Variants in CDH23 observed in about 807,000 individuals in gnomAD.
CDH23 encodes the protein cadherin related 23.
Under a neutral mutation model 317.1 loss-of-function variants are expected in CDH23, and 189 were observed. That is an observed-to-expected ratio of 0.60 (90% CI 0.53 to 0.67). The LOEUF is 0.67. CDH23 is among the 30% of genes least tolerant of loss of function. CDH23 has a pLI of 0.00. For synonymous variants in CDH23, 1,839 were observed against 1,876.8 expected (o/e 0.98, Z 0.52); for missense variants, 4,401 against 4,592.4 (o/e 0.96, Z 1.20).
chr10:71,601,682 G>A (rs1860227018), intron 9 of CDH23, among the ~76,000 whole-genome samples: 1 of 152,170 alleles, frequency 6.6e-6, no homozygotes, highest in African/African-American at 2.4e-5. Flanking sequence ...TCCACACCCC[G>A]TCATCTGCTT....
chr10:71,809,803 CT>C lies in CDH23; in HGVS notation c.8723-14del. 1 of 1,607,648 alleles carries C rather than the reference CT, an allele frequency of 6.2e-7. No homozygotes were observed. Reference sequence around the variant, plus strand: ...ACTGAGTCTCTGAGCCGTACCCCGCCTTTGGGCTTCCTGCAGGGAGCATGGA... The same window carrying C: ...ACTGAGTCTCTGAGCCGTACCCCGCCTTGGGCTTCCTGCAGGGAGCATGGA... On this transcript the variant is annotated splice_polypyrimidine_tract_variant and intron_variant, in intron 60 of 69. Coordinates refer to ENST00000224721, the MANE Select transcript of CDH23 (RefSeq NM_022124.6).
intron 38 of CDH23, among the ~76,000 whole-genome samples, chr10:71,758,795 G>A (rs1426368530): frequency 6.6e-6 from 1 of 152,190 alleles, no homozygotes; most frequent in African/African-American, 2.4e-5. Context: ...TGGAGGTCAA[G>A]GTGGGAAGAT....
In CDH23 at chr10:71,799,516, G is replaced by A. The variant is rs1334398591; in HGVS notation, c.7249G>A (p.Val2417Met). Residue 2417 changes from valine to methionine, a missense_variant, in exon 52 of 70, where the codon GTG becomes ATG. Physicochemically the swap from Val to Met is conservative, Grantham distance 21. Around this residue, in one of 3 missense-constraint regions of CDH23, gnomAD observed 189 missense variants for 250.9 expected, o/e 0.75. Transcript: ENST00000224721. Reference sequence around the variant, plus strand: ...GGAGGCTGTCTTTGAGGATGTGCCTGTGGGCACAATCATCCTGACAGTCAC... The same window carrying A: ...GGAGGCTGTCTTTGAGGATGTGCCTATGGGCACAATCATCCTGACAGTCAC... ...YQEAVFEDVPVGTIILTVTAT... is the reference protein window; with the variant it reads ...YQEAVFEDVPMGTIILTVTAT... 2 of 1,614,082 alleles carry A rather than the reference G, an allele frequency of 1.2e-6. No individual in the cohort carries two copies. The highest frequency in any genetic ancestry group is 1.3e-5 in the African/African-American group (1 of 75,068).
chr10:71,813,288 A>G lies in CDH23; in HGVS notation c.9678A>G (p.Lys3226=). The change falls in exon 69 of 70, where the codon AAA becomes AAG. Residue 3226 remains lysine (K), a synonymous_variant. Transcript: ENST00000224721. ...TCCTGGAGGATTACCTGCGGCTCAA[A>G]AAGCTCTTTGCACAGCGGATGGTGC... is the stretch of plus-strand genomic sequence containing the variant. ...KVVLEDYLRL[K]KLFAQRMVQK... The G allele has an allele frequency of 6.4e-7, 1 of 1,551,604 alleles. No homozygotes were observed. The highest frequency in any genetic ancestry group is 1.2e-5 in the South Asian group (1 of 84,052).
Position 71,799,644 on chromosome 10 carries a change from A to T in CDH23, c.7362+15A>T, listed in dbSNP as rs767990121. On this transcript the variant is annotated intron_variant, in intron 52 of 69. Transcript: ENST00000224721. ...ACCCCACCACGGTGAGCAGTGATGGAGGGCCTGGAATTTGGAAGTGGGAAG... is the reference window on the plus strand; with the variant it reads ...ACCCCACCACGGTGAGCAGTGATGGTGGGCCTGGAATTTGGAAGTGGGAAG... 1 of 1,613,974 alleles carries T rather than the reference A, an allele frequency of 6.2e-7. No homozygotes were observed. The highest frequency in any genetic ancestry group is 1.7e-5 in the Admixed American group (1 of 60,024).
intron 3 of CDH23, among the ~76,000 whole-genome samples, chr10:71,476,466 C>A (rs1390028261): frequency 6.6e-6 from 1 of 152,140 alleles, no homozygotes; most frequent in African/African-American, 2.4e-5. Flanking sequence ...AAGAAAGGGG[C>A]AAGATGTGTC....
chr10:71,518,620 G>T (rs940848901), intron 6 of CDH23, among the ~76,000 whole-genome samples: 1 of 152,226 alleles, frequency 6.6e-6, no homozygotes, highest in African/African-American at 2.4e-5. Context: ...GCACCTCCGT[G>T]ATTTCGGTCA....
chr10:71,498,650 A>T (rs566530953), intron 3 of CDH23, among the ~76,000 whole-genome samples: 1 of 152,334 alleles, frequency 6.6e-6, no homozygotes, highest in African/African-American at 2.4e-5. Flanking sequence ...AGGGTCACTG[A>T]GCAATCCCAG....
chr10:71,557,626 T>C (rs1479048228), intron 6 of CDH23, among the ~76,000 whole-genome samples: 1 of 152,248 alleles, frequency 6.6e-6, no homozygotes, highest in East Asian at 1.9e-4. Context: ...GAACAATGCG[T>C]TCATGCTATG....
chr10:71,660,279 A>G (rs4747181), intron 14 of CDH23, among the ~76,000 whole-genome samples: 5,350 of 152,204 alleles, frequency 0.035, 298 homozygotes, highest in East Asian at 0.24. Context: ...GATTTTGAAT[A>G]GGTTACTTGT....
chr10:71,781,583 C>T (rs1186246023), intron 41 of CDH23, among the ~76,000 whole-genome samples: 1 of 152,202 alleles, frequency 6.6e-6, no homozygotes, highest in African/African-American at 2.4e-5. Context: ...CAGTGCAGAC[C>T]TCCATGCCAT....
intron 1 of CDH23, among the ~76,000 whole-genome samples, chr10:71,412,937 T>G (rs1485845667): frequency 6.6e-6 from 1 of 152,238 alleles, no homozygotes; most frequent in Non-Finnish European, 1.5e-5. Context: ...GGGTGGCTTT[T>G]TTGCTCCATA....
In CDH23 at chr10:71,730,577, G is replaced by A. The variant is rs377358096; in HGVS notation, c.3688G>A (p.Val1230Met). 48 of 1,613,878 alleles carry A rather than the reference G, an allele frequency of 3.0e-5. No individual in the cohort carries two copies. Among genetic ancestry groups the A allele is most frequent in the South Asian group, 2.6e-4 (24 of 91,080 alleles). The change falls in exon 31 of 70, where the codon GTG becomes ATG. Residue 1230 changes from valine to methionine, a missense_variant. Around this residue, in one of 3 missense-constraint regions of CDH23, gnomAD observed 3,068 missense variants for 3,203.3 expected, o/e 0.96. Transcript: ENST00000224721. Reference sequence around the variant, plus strand: ...CGCAGGCATTGGAACGTCAGTCATCGTGGTCCAAGCCACAGACCGAGACTC... The same window carrying A: ...CGCAGGCATTGGAACGTCAGTCATCATGGTCCAAGCCACAGACCGAGACTC... ...ETAGIGTSVI[V>M]VQATDRDSGD...
rs569840602 is a variant in CDH23, at chr10:71,694,305, G to A, written c.2289+46G>A. The A allele has an allele frequency of 2.1e-6, 3 of 1,457,566 alleles. No homozygotes were observed. The Admixed American group carries it at 5.2e-5, about 25-fold the overall frequency. The allele number at this position is 1,457,566 out of a possible 1,614,324, so 90.3% of individuals were successfully genotyped here. ...TGCCCCAGCTCCCCCTCGCCGGCCA[G>A]GCTGCTGCTCCCTGCTTGTACCTCT... On this transcript the variant is annotated intron_variant, in intron 21 of 69. Transcript: ENST00000224721.
intron 3 of CDH23, among the ~76,000 whole-genome samples, chr10:71,507,818 T>C: frequency 6.6e-6 from 1 of 152,262 alleles, no homozygotes; most frequent in South Asian, 2.1e-4. Flanking sequence ...GGTTTATCTG[T>C]GACTTTCACA....
intron 3 of CDH23, among the ~76,000 whole-genome samples, chr10:71,491,039 G>A (rs184424800): frequency 6.6e-6 from 1 of 152,130 alleles, no homozygotes; most frequent in African/African-American, 2.4e-5. Context: ...AAAAAGAGGG[G>A]CTGTAACCAG....
intron 20 of CDH23, among the ~76,000 whole-genome samples, chr10:71,692,133 G>A (rs573317541): frequency 2.9e-4 from 44 of 152,272 alleles, no homozygotes; most frequent in Non-Finnish European, 5.4e-4. Flanking sequence ...GCAGGTACTA[G>A]CCTTATCCCC....
chr10:71,475,206 T>A lies in CDH23; in HGVS notation c.145+28811T>A, dbSNP rs571002402. Among the ~76,000 whole-genome samples the A allele has an allele frequency of 3.9e-5, 6 of 152,324 alleles. No individual in the cohort carries two copies. In the South Asian group the frequency reaches 1.2e-3, roughly 32 times the overall value. The stretch of plus-strand genomic sequence containing the variant: ...TTCTCACCACCAGCACAGGGAGGCA[T>A]TCACCTGGCTTAGCCCTCAGACACA... On this transcript the variant is annotated intron_variant, in intron 3 of 69. Coordinates refer to ENST00000224721, the MANE Select transcript of CDH23 (RefSeq NM_022124.6).
At chr10:71,766,508 C>T (rs964847087) in intron 38 of CDH23, among the ~76,000 whole-genome samples, 1 of 152,214 alleles carries the variant, frequency 6.6e-6, no homozygotes, top group Non-Finnish European at 1.5e-5. Context: ...GTTGTGCCCT[C>T]ATTGTGTGCC....
Sources: allele counts gnomAD v4.1 joint callset (sites outside exome capture counted in the v4.1 genomes callset), GRCh38; gene constraint gnomAD v4.1.1; regional missense constraint gnomAD v4.1.1; transcripts MANE v1.5; gene names NCBI Gene and HGNC (gene_info 2026-07-23, HGNC 2026-07-21).